The following GRM7 variants were observed in gnomAD, a reference collection of about 807,000 sequenced individuals.
The protein encoded by GRM7 is metabotropic glutamate receptor 7.
Under a neutral mutation model 84.5 loss-of-function variants are expected in GRM7, and 35 were observed. The ratio of observed to expected loss-of-function variants is 0.41; its 90% CI spans 0.32 to 0.55. The LOEUF is 0.55. Among genes scored for constraint, GRM7 ranks in the 20% least tolerant of loss-of-function variants. GRM7 has a pLI of 0.19. For missense variants in GRM7, 1,003 were observed against 1,194.6 expected, an observed-to-expected ratio of 0.84 and a Z score of 2.36; for synonymous variants, 487 against 455.1, an observed-to-expected ratio of 1.07 and a Z score of -0.89.
chr3:7,647,844 G>T (rs1161713408), intron 8 of GRM7, among the ~76,000 whole-genome samples: 1 of 152,128 alleles, frequency 6.6e-6, no homozygotes, highest in East Asian at 1.9e-4. Flanking sequence ...GTAGACCAAG[G>T]GAGAAATGGA....
At chr3:7,614,621 C>T (rs2125082619) in intron 8 of GRM7, among the ~76,000 whole-genome samples, 1 of 152,244 alleles carries the variant, frequency 6.6e-6, no homozygotes, top group South Asian at 2.1e-4. Context: ...CAATAGAATG[C>T]AAGAAGGAAA....
At chr3:7,663,030 G>C (rs1221642054) in intron 8 of GRM7, among the ~76,000 whole-genome samples, 1 of 152,144 alleles carries the variant, frequency 6.6e-6, no homozygotes, top group Non-Finnish European at 1.5e-5. Context: ...CTTGGAAGAG[G>C]AGTTATAGAA....
At chr3:7,424,712 T>C (rs1696533790) in intron 5 of GRM7, among the ~76,000 whole-genome samples, 1 of 152,220 alleles carries the variant, frequency 6.6e-6, no homozygotes, top group Admixed American at 6.5e-5. Flanking sequence ...GTTTCTGTGC[T>C]GAGCCAGAGA....
intron 8 of GRM7, among the ~76,000 whole-genome samples, chr3:7,675,646 A>G (rs994003161): frequency 6.6e-6 from 1 of 152,206 alleles, no homozygotes; most frequent in African/African-American, 2.4e-5. Flanking sequence ...CTTTAATAGA[A>G]TATTTGCTGG....
chr3:7,382,067 A>C (rs1034679989), intron 4 of GRM7, among the ~76,000 whole-genome samples: 2 of 152,182 alleles, frequency 1.3e-5, no homozygotes, highest in African/African-American at 4.8e-5. Context: ...ACCAACAGCC[A>C]TTCATCAATA....
At chr3:7,399,819 T>C (rs181158102) in intron 4 of GRM7, among the ~76,000 whole-genome samples, 1 of 152,260 alleles carries the variant, frequency 6.6e-6, no homozygotes, top group Non-Finnish European at 1.5e-5. Flanking sequence ...CTGCTGTGAG[T>C]AGAAGCAGAC....
chr3:7,658,419 G>C (rs554870391), intron 8 of GRM7, among the ~76,000 whole-genome samples: 1 of 152,034 alleles, frequency 6.6e-6, no homozygotes, highest in African/African-American at 2.4e-5. Context: ...GTAGCCTTTC[G>C]CCTAGATAAA....
intron 2 of GRM7, among the ~76,000 whole-genome samples, chr3:7,218,612 G>C (rs1293764840): frequency 6.6e-6 from 1 of 151,860 alleles, no homozygotes; most frequent in African/African-American, 2.4e-5. Flanking sequence ...CCATTCTTTA[G>C]TGTAAAGCGA....
rs1253795372 is a variant in GRM7 at position 6,920,778 on chromosome 3, G to A, written c.519+58871G>A. On this transcript the variant is annotated intron_variant, in intron 1 of 9. Coordinates refer to ENST00000357716, the MANE Select transcript of GRM7 (RefSeq NM_000844.4). ...TGGGTTTGACTGAGTTGTACTTCAC[G>A]AGCTGCTGATAGTTACCTGAGAAGG... 5.3e-5 allele frequency among the ~76,000 whole-genome samples: 8 copies of A among 151,930 alleles called. No homozygotes were observed. The East Asian group carries it at 7.7e-4, about 15-fold the overall frequency.
intron 8 of GRM7, among the ~76,000 whole-genome samples, chr3:7,643,538 A>G (rs1344144003): frequency 6.6e-6 from 1 of 152,216 alleles, no homozygotes; most frequent in African/African-American, 2.4e-5. Context: ...AATTTTTAAA[A>G]CACTGTACAT....
chr3:7,328,505 C>A (rs1202865867), intron 4 of GRM7, among the ~76,000 whole-genome samples: 1 of 152,172 alleles, frequency 6.6e-6, no homozygotes, highest in Admixed American at 6.5e-5. Flanking sequence ...GACCCCTTCT[C>A]TATACCTTAC....
chr3:6,879,291 C>T (rs1435145979), intron 1 of GRM7, among the ~76,000 whole-genome samples: 2 of 152,132 alleles, frequency 1.3e-5, no homozygotes, highest in East Asian at 1.9e-4. Flanking sequence ...TTTCAATTGA[C>T]AAATTATAAT....
chr3:7,262,492 G>GT (rs1326609820), intron 2 of GRM7, among the ~76,000 whole-genome samples: 14 of 152,092 alleles, frequency 9.2e-5, no homozygotes, highest in Non-Finnish European at 1.8e-4. Flanking sequence ...TTGTCTGTCA[G>GT]TTTCGGTATC....
At chr3:6,988,642 A>G (rs1485645833) in intron 1 of GRM7, among the ~76,000 whole-genome samples, 2 of 152,180 alleles carry the variant, frequency 1.3e-5, no homozygotes, top group Admixed American at 1.3e-4. Flanking sequence ...GATATTTCAC[A>G]TCATTGTTTT....
At chr3:7,196,267 A>G (rs1250116535) in intron 2 of GRM7, among the ~76,000 whole-genome samples, 1 of 152,120 alleles carries the variant, frequency 6.6e-6, no homozygotes, top group African/African-American at 2.4e-5. Flanking sequence ...AGCCACACCC[A>G]CATTGTGGAG....
At chr3:7,169,999 C>A (rs1028034607) in intron 2 of GRM7, among the ~76,000 whole-genome samples, 1 of 152,170 alleles carries the variant, frequency 6.6e-6, no homozygotes, top group Non-Finnish European at 1.5e-5. Flanking sequence ...ACCCCTGGGC[C>A]TCATCCGTAG....
intron 8 of GRM7, among the ~76,000 whole-genome samples, chr3:7,648,667 A>C (rs977034085): frequency 6.6e-6 from 1 of 151,366 alleles, no homozygotes; most frequent in Non-Finnish European, 1.5e-5. Context: ...AAAAAAAAAA[A>C]GGATCAAGAA....
chr3:7,706,779 A>C (rs1701402091), intron 9 of GRM7, among the ~76,000 whole-genome samples: 1 of 152,120 alleles, frequency 6.6e-6, no homozygotes, highest in African/African-American at 2.4e-5. Context: ...TATGTGGTTG[A>C]ACTCAGTCTT....
Position 7,526,854 on chromosome 3 carries a change from C to T in GRM7, c.1516-51568C>T, listed in dbSNP as rs576786371. Among the ~76,000 whole-genome samples the T allele has an allele frequency of 4.6e-5, 7 of 152,032 alleles. No homozygotes were observed. The South Asian group carries it at 1.0e-3, about 23-fold the overall frequency. On this transcript the variant is annotated intron_variant, in intron 7 of 9. Coordinates refer to ENST00000357716, the MANE Select transcript of GRM7 (RefSeq NM_000844.4). ...TGATTGTAGGTGTGTGGCTTTTCTT[C>T]TGAGTTTTCTATATTGTTTTATTGG...
Sources: gnomAD v4.1 joint callset for allele counts (sites outside exome capture counted in the v4.1 genomes callset) on GRCh38, gnomAD v4.1.1 for gene constraint, MANE v1.5 for transcripts, NCBI Gene and HGNC (gene_info 2026-07-23, HGNC 2026-07-21) for gene names.